Variants in MAD1L1 observed in about 807,000 individuals in gnomAD.
MAD1L1 encodes the protein mitotic spindle assembly checkpoint protein MAD1.
In MAD1L1, 95 loss-of-function variants were observed where a neutral mutation model predicts 96.9. The ratio of observed to expected loss-of-function variants is 0.98; its 90% CI spans 0.83 to 1.16. The LOEUF (loss-of-function observed/expected upper bound fraction) is 1.16, where lower values mean the gene tolerates loss of function less well. Ranked by LOEUF, MAD1L1 falls within the 50% of genes most tolerant of loss-of-function variation. The pLI is 0.00. For missense variants in MAD1L1, 1,007 were observed against 954.4 expected (o/e 1.06, Z -0.73); for synonymous variants, 473 against 396.6 (o/e 1.19, Z -2.29).
At chr7:1,843,756 C>G (rs1583527854) in intron 18 of MAD1L1, among the ~76,000 whole-genome samples, 2 of 152,174 alleles carry the variant, frequency 1.3e-5, no homozygotes, top group African/African-American at 4.8e-5. Context: ...GGAGAGCCCG[C>G]TGCAAGAAGA....
chr7:1,854,295 C>A (rs935224014), intron 18 of MAD1L1: 7 of 439,400 alleles, frequency 1.6e-5, no homozygotes, highest in Non-Finnish European at 3.2e-5. Context: ...ACTGCCCCAG[C>A]CCCAGCAGCG....
chr7:1,856,569 G>A (rs373845820), intron 18 of MAD1L1, among the ~76,000 whole-genome samples: 13 of 152,324 alleles, frequency 8.5e-5, no homozygotes, highest in African/African-American at 2.9e-4. Flanking sequence ...TATCACCCGC[G>A]GCCTGTATCC....
rs551304723 is a variant in MAD1L1 at position 1,915,968 on chromosome 7, G to A, written c.1808-17578C>T. 8.7e-4 allele frequency among the ~76,000 whole-genome samples: 133 copies of A among 152,360 alleles called. 5 individuals carry two copies. In the South Asian group the frequency reaches 0.026, roughly 30 times the overall value. On this transcript the variant is annotated intron_variant, in intron 17 of 18. Coordinates refer to ENST00000265854, the MANE Select transcript of MAD1L1 (RefSeq NM_001013836.2). ...CAAAAGAAAGCATTGAGAAAATGAT[G>A]AGAACACAATCCAGTCGAAAATGGC...
intron 18 of MAD1L1, among the ~76,000 whole-genome samples, chr7:1,833,502 A>T (rs1272837633): frequency 6.6e-6 from 1 of 152,258 alleles, no homozygotes; most frequent in African/African-American, 2.4e-5. Context: ...GCAAGGATAT[A>T]AAAGCTTCGC....
chr7:1,956,359 T>G (rs1779728518), intron 16 of MAD1L1, among the ~76,000 whole-genome samples: 1 of 152,148 alleles, frequency 6.6e-6, no homozygotes, highest in South Asian at 2.1e-4. Flanking sequence ...TGCTCTGCAC[T>G]TGCTTCTCCC....
At chr7:1,944,927 C>G (rs1779159784) in intron 16 of MAD1L1, among the ~76,000 whole-genome samples, 1 of 152,226 alleles carries the variant, frequency 6.6e-6, no homozygotes, top group Non-Finnish European at 1.5e-5. Flanking sequence ...GCTGGCCTGG[C>G]TTCTGTGGCT....
chr7:1,824,448 G>A (rs1782285765), intron 18 of MAD1L1, among the ~76,000 whole-genome samples: 2 of 152,324 alleles, frequency 1.3e-5, no homozygotes, highest in South Asian at 2.1e-4. Flanking sequence ...AGAGCACAGT[G>A]GGATGAGGAA....
intron 11 of MAD1L1, among the ~76,000 whole-genome samples, chr7:2,128,791 G>A (rs1306231599): frequency 6.6e-6 from 1 of 152,132 alleles, no homozygotes; most frequent in African/African-American, 2.4e-5. Context: ...AGGTTCATTC[G>A]GCCACCCTCA....
At chr7:2,000,688 C>G (rs1781754442) in intron 14 of MAD1L1, among the ~76,000 whole-genome samples, 1 of 152,228 alleles carries the variant, frequency 6.6e-6, no homozygotes, top group Admixed American at 6.5e-5. Flanking sequence ...CAACAGTGTG[C>G]CTCCAGGAGG....
At chr7:1,869,708 C>T (rs1236979502) in intron 18 of MAD1L1, among the ~76,000 whole-genome samples, 1 of 152,234 alleles carries the variant, frequency 6.6e-6, no homozygotes, top group Non-Finnish European at 1.5e-5. Context: ...CACTGTCACA[C>T]TAGCACGGGT....
chr7:2,162,564 A>C lies in MAD1L1; in HGVS notation c.987-13326T>G, dbSNP rs1236273071. The stretch of plus-strand genomic sequence containing the variant: ...ACCCTGCCAAATCCCCCTCTCCGAG[A>C]AACACCCAAGAATGATCAATAAATA... On this transcript the variant is annotated intron_variant, in intron 10 of 18. Transcript: ENST00000265854. 3.9e-5 allele frequency among the ~76,000 whole-genome samples: 6 copies of C among 152,080 alleles called. No homozygotes were observed. The East Asian group carries it at 1.2e-3, about 29-fold the overall frequency.
intron 10 of MAD1L1, among the ~76,000 whole-genome samples, chr7:2,195,223 G>A (rs1791925912): frequency 6.6e-6 from 1 of 152,096 alleles, no homozygotes. Flanking sequence ...TAAACTAAAA[G>A]AAATGCTTGT....
At chr7:2,001,756 C>T (rs569868902) in intron 14 of MAD1L1, among the ~76,000 whole-genome samples, 7 of 152,216 alleles carry the variant, frequency 4.6e-5, no homozygotes, top group Admixed American at 6.5e-5. Context: ...ACAGACCCCT[C>T]GTAGGCTCTC....
In MAD1L1 at chr7:1,855,542, G is replaced by GGCCCAGCCCA. The variant is rs150184082; in HGVS notation, c.1999-39324_1999-39315dup. On this transcript the variant is annotated intron_variant, in intron 18 of 18. Transcript: ENST00000265854. ...CTCACTTTCCAGAAAACACGGCCCGGGCCCAGCCCAGCCCAGCCCAGCTCC... is the reference window on the plus strand; with the variant it reads ...CTCACTTTCCAGAAAACACGGCCCGGGCCCAGCCCAGCCCAGCCCAGCCCAGCCCAGCTCC... 4.3e-3 allele frequency among the ~76,000 whole-genome samples: 647 copies of GGCCCAGCCCA among 151,974 alleles called. 7 individuals carry two copies. The highest frequency in any genetic ancestry group is 0.016 in the South Asian group (77 of 4,788).
chr7:1,840,921 C>A (rs370640052), intron 18 of MAD1L1, among the ~76,000 whole-genome samples: 2 of 152,238 alleles, frequency 1.3e-5, no homozygotes, highest in Non-Finnish European at 2.9e-5. Flanking sequence ...CGAGAGGCCA[C>A]GCAGGCCAAG....
chr7:1,963,685 G>A (rs1290408251), intron 15 of MAD1L1, among the ~76,000 whole-genome samples: 2 of 152,218 alleles, frequency 1.3e-5, no homozygotes, highest in African/African-American at 4.8e-5. Context: ...GAGGCTGCTG[G>A]CCAGGGGCAA....
intron 17 of MAD1L1, among the ~76,000 whole-genome samples, chr7:1,911,505 G>C (rs1788013497): frequency 6.6e-6 from 1 of 152,206 alleles, no homozygotes; most frequent in Non-Finnish European, 1.5e-5. Context: ...AGTCCTCCCA[G>C]ACACCCCAGG....
rs1792930663 is a variant in MAD1L1, at chr7:2,211,242, G to A, written c.986+1970C>T. ...CACCAGGGAGGGCAGAGTGAACACA[G>A]AAGACACAGGCAGGCAGAACCCCTG... is the stretch of plus-strand genomic sequence containing the variant. On this transcript the variant is annotated intron_variant, in intron 10 of 18. Transcript: ENST00000265854. 2.0e-5 allele frequency among the ~76,000 whole-genome samples: 3 copies of A among 152,152 alleles called. 1 individual carries two copies. The highest frequency in any genetic ancestry group is 2.9e-5 in the Non-Finnish European group (2 of 68,018).
chr7:2,060,517 G>C lies in MAD1L1; in HGVS notation c.1218+8677C>G, dbSNP rs570406331. 3.2e-4 allele frequency among the ~76,000 whole-genome samples: 48 copies of C among 152,252 alleles called. No individual in the cohort carries two copies. In the South Asian group the frequency reaches 9.3e-3, roughly 30 times the overall value. On this transcript the variant is annotated intron_variant, in intron 12 of 18. Coordinates refer to ENST00000265854, the MANE Select transcript of MAD1L1 (RefSeq NM_001013836.2). ...ATGCCGAGACCGAGATAACGCTAAT[G>C]TCGAGATACGCTAATGCCAAGATAA...
Sources: gnomAD v4.1 joint callset for allele counts (sites outside exome capture counted in the v4.1 genomes callset) on GRCh38, gnomAD v4.1.1 for gene constraint, MANE v1.5 for transcripts, NCBI Gene and HGNC (gene_info 2026-07-23, HGNC 2026-07-21) for gene names.